PCNT: variants seen among roughly 807,000 people sequenced by gnomAD.
The protein encoded by PCNT is pericentrin.
In PCNT, 319 loss-of-function variants were observed where a neutral mutation model predicts 380.4. The observed-to-expected ratio is 0.84, with a 90% confidence interval of 0.77 to 0.92. The LOEUF (loss-of-function observed/expected upper bound fraction) is 0.92. Ranked by LOEUF, PCNT falls within the 40% of genes least tolerant of loss-of-function variation. The pLI is 0.00. For missense variants in PCNT, 4,400 were observed against 4,255.3 expected (o/e 1.03, Z -0.95); for synonymous variants, 1,845 against 1,735.2 (o/e 1.06, Z -1.57).
At chr21:46,351,684 T>G (rs192232941) in intron 9 of PCNT, 144 bp downstream of exon 9, 1 of 703,852 alleles carries the variant, frequency 1.4e-6, no homozygotes, top group Non-Finnish European at 2.6e-6. Flanking sequence ...GGTTGAGGTG[T>G]CTGGTTTGAA....
intron 21 of PCNT, 32 bp from the exon 22 acceptor site, chr21:46,397,233 T>C (rs1171150819): frequency 1.6e-5 from 24 of 1,547,444 alleles, no homozygotes; most frequent in Non-Finnish European, 2.1e-5. Context: ...GGTGCGGGGG[T>C]GTCCCCGTGT....
intron 1 of PCNT, among the ~76,000 whole-genome samples, 196 bp from the exon 2 acceptor site, chr21:46,326,181 C>T (rs576573990): frequency 3.3e-4 from 51 of 152,296 alleles, no homozygotes; most frequent in African/African-American, 1.2e-3. Context: ...AATTAGCAGT[C>T]CTCATTGTTA....
Position 46,363,914 on chromosome 21 carries a change from G to A in PCNT, c.2589G>A (p.Gln863=), listed in dbSNP as rs1422831074. ...ACGTGAAGGAAGACTGCGCCCTGCA[G>A]CTGATGCTGGCCCGGAGCAGGTGGG... is the stretch of plus-strand genomic sequence containing the variant. ...ALHVKEDCAL[Q]LMLARSRFLE... is the part of the protein sequence containing the mutation. The change falls in exon 14 of 47, where the codon CAG becomes CAA. Residue 863 remains glutamine, a synonymous_variant. Transcript: ENST00000359568. The A allele has an allele frequency of 1.9e-6, 3 of 1,609,096 alleles. No individual in the cohort carries two copies. The highest frequency in any genetic ancestry group is 1.1e-5 in the South Asian group (1 of 91,052).
intron 27 of PCNT, among the ~76,000 whole-genome samples, chr21:46,410,594 C>A (rs2086754121): frequency 6.6e-6 from 1 of 152,140 alleles, no homozygotes; most frequent in Non-Finnish European, 1.5e-5. Flanking sequence ...TTCAATTTTC[C>A]TGTCTTTAAA....
At position 46,416,654 on chromosome 21, in the gene PCNT, C is replaced by T; in HGVS notation, c.6736C>T (p.Pro2246Ser). 1 of 1,564,426 alleles carries T rather than the reference C, an allele frequency of 6.4e-7. No individual in the cohort carries two copies. Residue 2246 changes from proline (P) to serine (S), a missense_variant, in exon 30 of 47, where the codon CCC (proline) becomes TCC (serine). By Grantham distance (74) the Pro-to-Ser change is moderately conservative. Transcript: ENST00000359568. ...GCCCTGGCCCAGCCTCCCCGTGACA[C>T]CCCACTCAGGAGCCCTGAGCCTGTG... ...LEPWPSLPVT[P>S]HSGALSLCSA...
At position 46,334,829 on chromosome 21, in the gene PCNT, A is replaced by T. The variant is rs2083681799; in HGVS notation, c.639+61A>T. Reference sequence around the variant, plus strand: ...GTCAAAAGATTTCTTTATGTTGTAGAAATCCAAACCAGTGAGAGGACCTTC... The same window carrying T: ...GTCAAAAGATTTCTTTATGTTGTAGTAATCCAAACCAGTGAGAGGACCTTC... On this transcript the variant is annotated intron_variant, in intron 3 of 46. Coordinates refer to ENST00000359568, the MANE Select transcript of PCNT (RefSeq NM_006031.6). 3.1e-6 allele frequency: 5 copies of T among 1,613,080 alleles called. No homozygotes were observed. In the Admixed American group the frequency reaches 6.7e-5, roughly 22 times the overall value.
chr21:46,423,728 GGAGGGGGAGGGGA>G (rs769532766), intron 32 of PCNT, among the ~76,000 whole-genome samples: 1,195 of 7,084 alleles, frequency 0.17, 62 homozygotes, highest in Non-Finnish European at 0.22. Flanking sequence ...GAAGAGAAGG[GGAGGGGGAGGGGA>G]AGAGGGGAGG....
chr21:46,336,572 G>A (rs1370415455), intron 3 of PCNT, among the ~76,000 whole-genome samples: 6 of 152,242 alleles, frequency 3.9e-5, no homozygotes, highest in Admixed American at 2.6e-4. Flanking sequence ...AGTTGGTGCC[G>A]CAGGCTCATC....
At chr21:46,367,472 T>C (rs970101132) in intron 15 of PCNT, among the ~76,000 whole-genome samples, 2 of 152,104 alleles carry the variant, frequency 1.3e-5, no homozygotes, top group African/African-American at 4.8e-5. Flanking sequence ...CATGCGCGGC[T>C]AATTTTTGTA....
intron 21 of PCNT, among the ~76,000 whole-genome samples, chr21:46,395,147 G>A (rs939916196): frequency 6.6e-6 from 1 of 152,256 alleles, no homozygotes; most frequent in African/African-American, 2.4e-5. Flanking sequence ...GCTGACAGTG[G>A]CATCAACATT....
At chr21:46,398,533 A>T (rs184602772) in intron 24 of PCNT, among the ~76,000 whole-genome samples, 123 of 152,386 alleles carry the variant, frequency 8.1e-4, no homozygotes, top group African/African-American at 2.8e-3. Context: ...GCAGTGTCAC[A>T]GCCAGTATGG....
intron 13 of PCNT, among the ~76,000 whole-genome samples, chr21:46,360,285 C>T (rs1473700295): frequency 1.2e-4 from 17 of 142,944 alleles, no homozygotes; most frequent in African/African-American, 4.0e-4. Context: ...TGCAGTGGCA[C>T]GATCTCGGCT....
intron 20 of PCNT, 122 bp downstream of exon 20, chr21:46,390,954 A>G (rs1178480775): frequency 1.9e-5 from 24 of 1,277,846 alleles, no homozygotes; most frequent in Non-Finnish European, 2.2e-5. Flanking sequence ...CAAAGCCAAC[A>G]TGGGAGGCAC....
At position 46,411,636 on chromosome 21, in the gene PCNT, C is replaced by T. The variant is rs151138182; in HGVS notation, c.5563C>T (p.Arg1855Trp). The part of the protein sequence containing the change: ...REAEVEDMAS[R>W]IQEFEAALKA... ...GGCTGAGGTCGAAGACATGGCCTCCCGGATCCAGGAGTTCGAAGCGGCCCT... is the reference window on the plus strand; with the variant it reads ...GGCTGAGGTCGAAGACATGGCCTCCTGGATCCAGGAGTTCGAAGCGGCCCT... Residue 1855 changes from arginine (R) to tryptophan (W), a missense_variant, in exon 28 of 47, where the codon CGG becomes TGG. Coordinates refer to ENST00000359568, the MANE Select transcript of PCNT (RefSeq NM_006031.6). 97 of 1,612,992 alleles carry T rather than the reference C, an allele frequency of 6.0e-5. No homozygotes were observed. The African/African-American group carries it at 8.3e-4, about 14-fold the overall frequency.
At chr21:46,389,125 TGTC>T in intron 18 of PCNT, 71 bp from the exon 19 acceptor site, 1 of 1,458,858 alleles carries the variant, frequency 6.9e-7, no homozygotes, top group Admixed American at 1.8e-5. Context: ...GTGGCTTCCT[TGTC>T]GTCTTGGCTG....
At chr21:46,402,909 A>T (rs539210093) in intron 27 of PCNT, among the ~76,000 whole-genome samples, 15 of 152,268 alleles carry the variant, frequency 9.9e-5, no homozygotes, top group African/African-American at 3.1e-4. Context: ...ATTTTTTTTT[A>T]AATTTTTGTG....
chr21:46,369,938 C>T (rs1278112236), intron 15 of PCNT, among the ~76,000 whole-genome samples: 5 of 152,156 alleles, frequency 3.3e-5, no homozygotes, highest in Admixed American at 6.5e-5. Flanking sequence ...GCAGGGCAGG[C>T]GGAGCTGGAG....
At chr21:46,345,202 T>C (rs1440181587) in intron 3 of PCNT, among the ~76,000 whole-genome samples, 1 of 152,108 alleles carries the variant, frequency 6.6e-6, no homozygotes, top group Non-Finnish European at 1.5e-5. Flanking sequence ...ACAGCTTCTG[T>C]TTCTGGGACT....
At chr21:46,410,978 C>T (rs988752221) in intron 27 of PCNT, among the ~76,000 whole-genome samples, 2 of 152,226 alleles carry the variant, frequency 1.3e-5, no homozygotes, top group South Asian at 2.1e-4. Context: ...CACGATCAGA[C>T]GTGGAGCACA....
Sources: gnomAD v4.1 joint callset for allele counts (sites outside exome capture counted in the v4.1 genomes callset) on GRCh38, gnomAD v4.1.1 for gene constraint, MANE v1.5 for transcripts, NCBI Gene and HGNC (gene_info 2026-07-23, HGNC 2026-07-21) for gene names.